DMXL1: variants seen among roughly 807,000 people sequenced by gnomAD.
DMXL1 encodes dmX-like protein 1.
DMXL1 carries 99 observed loss-of-function variants against 319.2 expected under a neutral mutation model. The observed-to-expected ratio is 0.31, with a 90% CI of 0.26 to 0.37. The LOEUF (loss-of-function observed/expected upper bound fraction) is 0.37, where lower values mean the gene tolerates loss of function less well. Among genes scored for constraint, DMXL1 ranks in the 10% least tolerant of loss-of-function variants. The pLI is 1.00. For synonymous variants in DMXL1, 1,385 were observed against 1,235.2 expected (o/e 1.12, Z -2.54); for missense variants, 3,745 against 3,595.6 (o/e 1.04, Z -1.06).
At chr5:119,181,795 GA>G (rs1192494767) in intron 28 of DMXL1, among the ~76,000 whole-genome samples, 2 of 152,124 alleles carry the variant, frequency 1.3e-5, no homozygotes, top group Non-Finnish European at 2.9e-5. Context: ...CTGGGCGACA[GA>G]GCGAGACTCC....
chr5:119,225,885 G>A (rs950097533), intron 38 of DMXL1, among the ~76,000 whole-genome samples: 1 of 152,076 alleles, frequency 6.6e-6, no homozygotes, highest in Admixed American at 6.6e-5. Flanking sequence ...AGCCTATAGT[G>A]TAAGGAGTCA....
Position 119,071,430 on chromosome 5 carries a change from C to T in DMXL1, c.-140C>T, listed in dbSNP as rs970037997. ...AGTCGCGGGCCCCAGCTGAGCGGCTCCGGCTCCAGGCGCCTGTCGCTGCTT... is the reference window on the plus strand; with the variant it reads ...AGTCGCGGGCCCCAGCTGAGCGGCTTCGGCTCCAGGCGCCTGTCGCTGCTT... On this transcript the variant is annotated 5_prime_UTR_variant, in exon 1 of 44. Coordinates refer to ENST00000539542, the MANE Select transcript of DMXL1 (RefSeq NM_001290321.3). 16 of 835,254 alleles carry T rather than the reference C, an allele frequency of 1.9e-5. No homozygotes were observed. Among genetic ancestry groups the T allele is most frequent in the Non-Finnish European group, 2.7e-5 (14 of 520,310 alleles). 51.7% of individuals were successfully genotyped at this position (835,254 alleles called of 1,614,324 possible).
rs773591355 is a variant in DMXL1 at position 119,216,094 on chromosome 5, CAAAAAAAAAA to C, written c.7927-788_7927-779del. Among the ~76,000 whole-genome samples the C allele has an allele frequency of 6.7e-4, 25 of 37,360 alleles. 1 individual carries two copies. The highest frequency in any genetic ancestry group is 0.042 in the Middle Eastern group (1 of 24). 24.5% of individuals were successfully genotyped at this position (37,360 alleles called of 152,430 possible). ...GCCTGGGCGACAAGAGCATCCATCT[CAAAAAAAAAA>C]AAAAAAAAAAAAAAAAAAGCAGGAT... On this transcript the variant is annotated intron_variant, in intron 34 of 43. Transcript: ENST00000539542.
intron 13 of DMXL1, among the ~76,000 whole-genome samples, chr5:119,143,131 G>A (rs1445814464): frequency 6.6e-6 from 1 of 151,946 alleles, no homozygotes; most frequent in Non-Finnish European, 1.5e-5. Flanking sequence ...CGGGTACTGG[G>A]CTTAGTACCT....
rs763384885 is a variant in DMXL1, at chr5:119,224,683, A to G, written c.8278-26A>G. The G allele has an allele frequency of 2.1e-5, 20 of 938,206 alleles. No homozygotes were observed. In the Admixed American group the frequency reaches 2.3e-4, roughly 11 times the overall value. The allele number at this position is 938,206 out of a possible 1,614,324, so 58.1% of individuals were successfully genotyped here. A position where few individuals can be genotyped will look rare whatever the true frequency, so the allele number is the denominator to read the frequency against. On this transcript the variant is annotated intron_variant, in intron 37 of 43. Coordinates refer to ENST00000539542, the MANE Select transcript of DMXL1 (RefSeq NM_001290321.3). Reference sequence around the variant, plus strand: ...ATGTTTAATCCTTTTTATTATGCCTATAAAATAATTTTTCTATTTTACCAG... The same window carrying G: ...ATGTTTAATCCTTTTTATTATGCCTGTAAAATAATTTTTCTATTTTACCAG...
intron 2 of DMXL1, among the ~76,000 whole-genome samples, chr5:119,098,920 T>C (rs1453769900): frequency 6.6e-6 from 1 of 152,232 alleles, no homozygotes; most frequent in African/African-American, 2.4e-5. Context: ...ATCATTTGTT[T>C]TTAAATCTAA....
At chr5:119,195,841 A>G (rs868094162) in intron 30 of DMXL1, among the ~76,000 whole-genome samples, 1 of 152,236 alleles carries the variant, frequency 6.6e-6, no homozygotes, top group African/African-American at 2.4e-5. Context: ...AAACTATATA[A>G]AAATGTGAAA....
intron 19 of DMXL1, among the ~76,000 whole-genome samples, chr5:119,161,378 G>A (rs906341742): frequency 6.6e-6 from 1 of 152,248 alleles, no homozygotes; most frequent in East Asian, 1.9e-4. Flanking sequence ...CAGTATTATC[G>A]TTTGGGTTCT....
intron 9 of DMXL1, chr5:119,126,732 A>G (rs1278664038): frequency 1.3e-5 from 2 of 153,826 alleles, no homozygotes; most frequent in African/African-American, 4.8e-5. Flanking sequence ...CAACTAATGC[A>G]TAACTGGTGG....
chr5:119,208,781 T>C (rs1782217298), intron 34 of DMXL1, among the ~76,000 whole-genome samples: 2 of 152,146 alleles, frequency 1.3e-5, no homozygotes, highest in African/African-American at 4.8e-5. Flanking sequence ...GTATATACAC[T>C]AGCGAAGCCA....
intron 1 of DMXL1, 125 bp from the exon 2 acceptor site, chr5:119,097,854 C>A: frequency 4.8e-6 from 4 of 836,464 alleles, no homozygotes; most frequent in South Asian, 3.9e-5. Context: ...TTTAAGAAAA[C>A]ACCTAAAATT....
intron 5 of DMXL1, among the ~76,000 whole-genome samples, chr5:119,112,097 AC>A (rs1370214271): frequency 2.0e-5 from 3 of 152,004 alleles, no homozygotes; most frequent in Non-Finnish European, 2.9e-5. Context: ...AGTAGTTGGG[AC>A]TACAGGCGCT....
At chr5:119,109,518 C>T (rs1375957196) in intron 4 of DMXL1, among the ~76,000 whole-genome samples, 2 of 152,174 alleles carry the variant, frequency 1.3e-5, no homozygotes, top group African/African-American at 2.4e-5. Flanking sequence ...CACAGTCTCA[C>T]CTTGGCATTT....
intron 10 of DMXL1, chr5:119,132,736 A>G (rs1014232630): frequency 5.6e-6 from 3 of 531,316 alleles, no homozygotes; most frequent in Non-Finnish European, 1.1e-5. Context: ...CTATATTGGC[A>G]TTGCTGCTGG....
chr5:119,081,898 G>A (rs977522930), intron 1 of DMXL1, among the ~76,000 whole-genome samples: 2 of 151,076 alleles, frequency 1.3e-5, no homozygotes, highest in Admixed American at 6.6e-5. Context: ...AAAGAATTAC[G>A]AATAAACATG....
intron 19 of DMXL1, among the ~76,000 whole-genome samples, chr5:119,158,361 TCTAA>T (rs1425316042): frequency 2.0e-5 from 3 of 152,230 alleles, no homozygotes; most frequent in Non-Finnish European, 4.4e-5. Context: ...GTTTATTAGT[TCTAA>T]CTGTTTCTTT....
chr5:119,174,774 C>T (rs558379277), intron 25 of DMXL1, among the ~76,000 whole-genome samples: 6 of 151,068 alleles, frequency 4.0e-5, no homozygotes, highest in Non-Finnish European at 7.4e-5. Flanking sequence ...CCTTTTATAC[C>T]TTATATCCTT....
chr5:119,115,886 C>G (rs1397543251), intron 6 of DMXL1, among the ~76,000 whole-genome samples: 2 of 152,068 alleles, frequency 1.3e-5, no homozygotes, highest in East Asian at 3.8e-4. Flanking sequence ...TTCAGTGTTT[C>G]CTGAATGACT....
chr5:119,153,521 C>T (rs113322253), intron 19 of DMXL1, among the ~76,000 whole-genome samples: 1 of 152,124 alleles, frequency 6.6e-6, no homozygotes, highest in Non-Finnish European at 1.5e-5. Flanking sequence ...CAGTAGATAT[C>T]AAAAATGTAT....
Sources: gnomAD v4.1 joint callset for allele counts (sites outside exome capture counted in the v4.1 genomes callset) on GRCh38, gnomAD v4.1.1 for gene constraint, MANE v1.5 for transcripts, NCBI Gene and HGNC (gene_info 2026-07-23, HGNC 2026-07-21) for gene names.